LOC128092253: variants seen among roughly 807,000 people sequenced by gnomAD.
At chr6:133,954,976 A>G in the LOC128092253 span, among the ~76,000 whole-genome samples, 1 of 152,198 alleles carries the variant, frequency 6.6e-6, no homozygotes, top group East Asian at 1.9e-4. Flanking sequence ...AATTTCATTC[A>G]TGTGTAAAGA....
At chr6:133,956,246 G>T in the LOC128092253 span, among the ~76,000 whole-genome samples, 275 of 152,286 alleles carry the variant, frequency 1.8e-3, 1 homozygote, top group African/African-American at 6.1e-3. Context: ...AATCTCTGGT[G>T]TTTTCAAATT....
chr6:133,961,601 G>A, the LOC128092253 span, among the ~76,000 whole-genome samples: 1 of 151,338 alleles, frequency 6.6e-6, no homozygotes, highest in East Asian at 1.9e-4. Context: ...CTGGGTAGCT[G>A]GGATTACAGG....
At chr6:133,973,507 T>A in the LOC128092253 span, among the ~76,000 whole-genome samples, 2 of 152,256 alleles carry the variant, frequency 1.3e-5, no homozygotes, top group Non-Finnish European at 2.9e-5. Context: ...AGTTTAAATA[T>A]CTTTCCTGGT....
At chr6:133,966,779 A>G in the LOC128092253 span, among the ~76,000 whole-genome samples, 10 of 151,188 alleles carry the variant, frequency 6.6e-5, no homozygotes, top group African/African-American at 2.2e-4. Flanking sequence ...TCTATCTCTT[A>G]AAACTGCCTG....
the LOC128092253 span, among the ~76,000 whole-genome samples, chr6:133,970,993 G>A: frequency 6.6e-6 from 1 of 152,060 alleles, no homozygotes; most frequent in Admixed American, 6.6e-5. Flanking sequence ...ATACTTTACT[G>A]TTCACCATGG....
chr6:133,977,623 C>T, the LOC128092253 span, among the ~76,000 whole-genome samples: 4 of 152,238 alleles, frequency 2.6e-5, no homozygotes, highest in East Asian at 7.7e-4. Flanking sequence ...CAGTAGTTGC[C>T]TTGTGGTAGC....
chr6:133,954,362 A>AT, the LOC128092253 span, among the ~76,000 whole-genome samples: 1 of 152,082 alleles, frequency 6.6e-6, no homozygotes, highest in African/African-American at 2.4e-5. Flanking sequence ...CTCTGGGAAA[A>AT]TATAAAAAGA....
the LOC128092253 span, among the ~76,000 whole-genome samples, chr6:133,961,419 T>G: frequency 6.6e-6 from 1 of 151,922 alleles, no homozygotes; most frequent in Non-Finnish European, 1.5e-5. Flanking sequence ...TTCATATGGC[T>G]GGCTACTTCT....
chr6:133,961,309 T>C, the LOC128092253 span, among the ~76,000 whole-genome samples: 6 of 152,266 alleles, frequency 3.9e-5, no homozygotes, highest in East Asian at 1.2e-3. Context: ...TAAACAGTTA[T>C]CTTCAAGGAG....
chr6:133,977,329 C>G, the LOC128092253 span, among the ~76,000 whole-genome samples: 8 of 152,110 alleles, frequency 5.3e-5, no homozygotes, highest in South Asian at 8.3e-4. Context: ...TTCCCATGAC[C>G]TTATTTTTAA....
the LOC128092253 span, among the ~76,000 whole-genome samples, chr6:133,959,847 A>T: frequency 6.6e-6 from 1 of 152,244 alleles, no homozygotes; most frequent in African/African-American, 2.4e-5. Context: ...AGATATGAAC[A>T]TAATAAAGTC....
chr6:133,962,876 T>C, the LOC128092253 span, among the ~76,000 whole-genome samples: 6 of 152,342 alleles, frequency 3.9e-5, 1 homozygote, highest in South Asian at 1.2e-3. Flanking sequence ...GGCATGGATT[T>C]CAGTTAAGAA....
the LOC128092253 span, among the ~76,000 whole-genome samples, chr6:133,957,055 A>C: frequency 7.9e-5 from 12 of 152,226 alleles, no homozygotes; most frequent in Non-Finnish European, 1.2e-4. Context: ...GAAAGGAATC[A>C]GGTCACATCA....
the LOC128092253 span, among the ~76,000 whole-genome samples, chr6:133,961,711 G>A: frequency 1.3e-5 from 2 of 152,010 alleles, no homozygotes; most frequent in Admixed American, 6.6e-5. Flanking sequence ...TGATCCATGC[G>A]CCTTGGCCTC....
At chr6:133,954,795 A>G in the LOC128092253 span, among the ~76,000 whole-genome samples, 4 of 152,090 alleles carry the variant, frequency 2.6e-5, no homozygotes, top group Admixed American at 6.5e-5. Flanking sequence ...CCTCCTCTTT[A>G]CGTACCCTCT....
chr6:133,958,502 C>T, the LOC128092253 span, among the ~76,000 whole-genome samples: 12 of 152,038 alleles, frequency 7.9e-5, no homozygotes, highest in Admixed American at 2.6e-4. Context: ...TATGGTAAAG[C>T]TAAAAACAAA....
the LOC128092253 span, among the ~76,000 whole-genome samples, chr6:133,977,588 G>A: frequency 1.2e-4 from 19 of 152,306 alleles, no homozygotes; most frequent in Non-Finnish European, 2.5e-4. Context: ...AAATTTGATA[G>A]TTGATTCGCA....
chr6:133,967,253 G>T, the LOC128092253 span, among the ~76,000 whole-genome samples: 1 of 152,170 alleles, frequency 6.6e-6, no homozygotes, highest in Admixed American at 6.5e-5. Context: ...TTGAATGAAG[G>T]TGATGCTCAG....
chr6:133,969,321 A>T, the LOC128092253 span, among the ~76,000 whole-genome samples: 1 of 150,464 alleles, frequency 6.6e-6, no homozygotes, highest in Non-Finnish European at 1.5e-5. Context: ...AATTTCCATT[A>T]AAAAATAGTA....
Sources: allele counts gnomAD v4.1 joint callset (sites outside exome capture counted in the v4.1 genomes callset), GRCh38; gene constraint gnomAD v4.1.1; transcripts MANE v1.5.